Variants in RPN2 observed in about 807,000 individuals in gnomAD.
RPN2 encodes dolichyl-diphosphooligosaccharide--protein glycosyltransferase subunit 2.
A neutral mutation model predicts 71.4 loss-of-function variants in RPN2; 29 were observed. That is an observed-to-expected ratio of 0.41 (90% CI 0.30 to 0.55). The LOEUF (loss-of-function observed/expected upper bound fraction) is 0.55. Ranked by LOEUF, RPN2 falls within the 20% of genes least tolerant of loss-of-function variation. The pLI, the probability that RPN2 is intolerant of heterozygous loss-of-function variation, is 0.35. For missense variants in RPN2, 726 were observed against 774.1 expected (o/e 0.94, Z 0.74); for synonymous variants, 308 against 305.0 (o/e 1.01, Z -0.10).
At chr20:37,239,560 A>C (rs1290737591) in intron 16 of RPN2, among the ~76,000 whole-genome samples, 1 of 140,710 alleles carries the variant, frequency 7.1e-6, no homozygotes, top group African/African-American at 2.8e-5. Context: ...TCCTCAACAC[A>C]GAAGGGAACT....
intron 10 of RPN2, among the ~76,000 whole-genome samples, chr20:37,225,305 A>G (rs969494371): frequency 6.6e-6 from 1 of 151,918 alleles, no homozygotes; most frequent in Admixed American, 6.6e-5. Flanking sequence ...GCTGGCATCA[A>G]TCCTGTAATT....
At chr20:37,237,125 G>A (rs1197610089) in intron 16 of RPN2, among the ~76,000 whole-genome samples, 2 of 151,694 alleles carry the variant, frequency 1.3e-5, no homozygotes, top group South Asian at 2.1e-4. Context: ...AGCTTGTCCC[G>A]GAAGCACGAG....
chr20:37,219,558 T>C (rs1348593462), intron 9 of RPN2, among the ~76,000 whole-genome samples: 1 of 152,240 alleles, frequency 6.6e-6, no homozygotes, highest in Non-Finnish European at 1.5e-5. Flanking sequence ...GCACAAAAAA[T>C]CTTAATTTTG....
intron 8 of RPN2, among the ~76,000 whole-genome samples, chr20:37,212,873 A>G (rs1199506321): frequency 2.6e-5 from 4 of 152,230 alleles, no homozygotes; most frequent in African/African-American, 9.6e-5. Context: ...TCATAAGGAT[A>G]CATAGGCAAT....
chr20:37,229,066 G>C (rs568385693), intron 12 of RPN2, among the ~76,000 whole-genome samples: 1 of 152,224 alleles, frequency 6.6e-6, no homozygotes, highest in South Asian at 2.1e-4. Flanking sequence ...GGGTTACGTA[G>C]ATGTGAAAGT....
intron 16 of RPN2, among the ~76,000 whole-genome samples, chr20:37,237,843 G>A (rs112737587): frequency 6.6e-6 from 1 of 152,134 alleles, no homozygotes; most frequent in African/African-American, 2.4e-5. Flanking sequence ...GGCCCCCAGG[G>A]AGCCAAAAGA....
chr20:37,223,592 A>G (rs1350250807), intron 9 of RPN2, among the ~76,000 whole-genome samples: 4 of 151,844 alleles, frequency 2.6e-5, no homozygotes, highest in Non-Finnish European at 4.4e-5. Context: ...ATTTTAAAGG[A>G]CACATGAAAA....
chr20:37,200,874 C>CA (rs1015508768), intron 4 of RPN2, among the ~76,000 whole-genome samples: 5 of 151,820 alleles, frequency 3.3e-5, no homozygotes, highest in Admixed American at 2.0e-4. Flanking sequence ...CTACCTTCTA[C>CA]AAAAAAAATT....
intron 16 of RPN2, chr20:37,238,547 G>T (rs1569004166): frequency 1.2e-6 from 1 of 864,766 alleles, no homozygotes; most frequent in South Asian, 1.4e-5. Flanking sequence ...CAGCCCACTT[G>T]CTCCTCCCAC....
intron 2 of RPN2, among the ~76,000 whole-genome samples, chr20:37,197,832 A>G (rs2067287266): frequency 6.6e-6 from 1 of 152,114 alleles, no homozygotes; most frequent in Non-Finnish European, 1.5e-5. Flanking sequence ...CCTGAGCTCA[A>G]GCAGTCCTGC....
chr20:37,218,922 C>T (rs2067885255), intron 9 of RPN2, among the ~76,000 whole-genome samples: 1 of 152,140 alleles, frequency 6.6e-6, no homozygotes, highest in Admixed American at 6.5e-5. Flanking sequence ...ACCGACTTAT[C>T]AGTTAATGAC....
intron 1 of RPN2, among the ~76,000 whole-genome samples, chr20:37,181,819 T>A (rs2066890282): frequency 6.6e-6 from 1 of 152,224 alleles, no homozygotes; most frequent in Non-Finnish European, 1.5e-5. Context: ...TAGTCCTTCA[T>A]AGACTACCGT....
At chr20:37,229,911 T>A (rs1039283751) in intron 12 of RPN2, 62 bp from the exon 13 acceptor site, 2 of 1,204,098 alleles carry the variant, frequency 1.7e-6, no homozygotes, top group Non-Finnish European at 1.2e-6. Context: ...GAGAATATTA[T>A]CTATTGAGTT....
At chr20:37,236,854 A>G (rs557405893) in intron 16 of RPN2, 145 bp downstream of exon 16, 1 of 813,274 alleles carries the variant, frequency 1.2e-6, no homozygotes, top group East Asian at 2.6e-5. Flanking sequence ...TACAGAAGCC[A>G]GAAGCACTTT....
At chr20:37,219,156 A>G (rs1488982890) in intron 9 of RPN2, among the ~76,000 whole-genome samples, 1 of 152,116 alleles carries the variant, frequency 6.6e-6, no homozygotes, top group Non-Finnish European at 1.5e-5. Context: ...GAGGGTTCCA[A>G]TTTTACTACA....
At chr20:37,211,363 T>G in intron 8 of RPN2, among the ~76,000 whole-genome samples, 1 of 146,066 alleles carries the variant, frequency 6.8e-6, no homozygotes. Flanking sequence ...GGGGGCCAGG[T>G]GTGGCAGCTC....
In RPN2 at chr20:37,199,142, A is replaced by T; in HGVS notation, c.396A>T (p.Leu132=). The T allele has an allele frequency of 6.2e-7, 1 of 1,614,184 alleles. No individual in the cohort carries two copies. Among genetic ancestry groups the T allele is most frequent in the Non-Finnish European group, 8.5e-7 (1 of 1,180,012 alleles). The change falls in exon 4 of 17, where the codon CTA becomes CTT. Residue 132 remains leucine, a synonymous_variant. Transcript: ENST00000237530. ...AGATCTACCATGCAGTTGCAGCTCTAAGTGGCTTTGGCCTTCCCTTGGCAT... is the reference window on the plus strand; with the variant it reads ...AGATCTACCATGCAGTTGCAGCTCTTAGTGGCTTTGGCCTTCCCTTGGCAT... ...VTQIYHAVAA[L]SGFGLPLASQ...
At chr20:37,202,872 T>A (rs2067424154) in intron 4 of RPN2, among the ~76,000 whole-genome samples, 1 of 152,148 alleles carries the variant, frequency 6.6e-6, no homozygotes, top group African/African-American at 2.4e-5. Flanking sequence ...GAACATAGAT[T>A]GCTGGTTGCT....
intron 15 of RPN2, among the ~76,000 whole-genome samples, chr20:37,234,761 G>A (rs2068341898): frequency 6.6e-6 from 1 of 151,168 alleles, no homozygotes; most frequent in African/African-American, 2.4e-5. Flanking sequence ...GCTCACTGCA[G>A]CCTTGACCTC....
Sources: allele counts gnomAD v4.1 joint callset (sites outside exome capture counted in the v4.1 genomes callset), GRCh38; gene constraint gnomAD v4.1.1; transcripts MANE v1.5; gene names NCBI Gene and HGNC (gene_info 2026-07-23, HGNC 2026-07-21).